OSBPL3: variants seen among roughly 807,000 people sequenced by gnomAD.
OSBPL3 encodes oxysterol binding protein like 3, also known as oxysterol-binding protein-related protein 3.
OSBPL3 carries 65 observed loss-of-function variants against 120.1 expected under a neutral mutation model. The observed-to-expected ratio is 0.54, with a 90% CI of 0.44 to 0.67. The LOEUF (loss-of-function observed/expected upper bound fraction) is 0.67. Ranked by LOEUF, OSBPL3 falls within the 30% of genes least tolerant of loss-of-function variation. The pLI, the probability that OSBPL3 is intolerant of heterozygous loss-of-function variation, is 0.00. For synonymous variants in OSBPL3, 416 were observed against 402.6 expected (o/e 1.03, Z -0.40); for missense variants, 1,004 against 1,082.1 (o/e 0.93, Z 1.01).
In OSBPL3 at chr7:24,855,333, AG is replaced by A; in HGVS notation, c.1028-2700del. On this transcript the variant is annotated intron_variant, in intron 10 of 22. Coordinates refer to ENST00000313367, the MANE Select transcript of OSBPL3 (RefSeq NM_015550.4). This position sits in a 1 kb window ranked among gnomAD's most constrained non-coding sequence, Gnocchi z 4.3. ...TTCCAAATCAATTCCTCTGGCTTCCAGGTGACCTACAGAAAAACAAGGCTTT... is the reference window on the plus strand; with the variant it reads ...TTCCAAATCAATTCCTCTGGCTTCCAGTGACCTACAGAAAAACAAGGCTTT... Among the ~76,000 whole-genome samples the A allele has an allele frequency of 6.6e-6, 1 of 152,342 alleles. No homozygotes were observed. Among genetic ancestry groups the A allele is most frequent in the African/African-American group, 2.4e-5 (1 of 41,588 alleles).
rs560791235 is a variant in OSBPL3, at chr7:24,815,462, T to G, written c.2028-259A>C. ...TACCAGAGGCTTCACTAGAAGCTGGTGGTCTCTTGGAACAGCCCACTCCCT... is the reference window on the plus strand; with the variant it reads ...TACCAGAGGCTTCACTAGAAGCTGGGGGTCTCTTGGAACAGCCCACTCCCT... On this transcript the variant is annotated intron_variant, in intron 18 of 22. Coordinates refer to ENST00000313367, the MANE Select transcript of OSBPL3 (RefSeq NM_015550.4). This position sits in a 1 kb window ranked among gnomAD's most constrained non-coding sequence, Gnocchi z 5.1. Among the ~76,000 whole-genome samples, 4 of 152,274 alleles carry G rather than the reference T, an allele frequency of 2.6e-5. No homozygotes were observed. In the South Asian group the frequency reaches 8.3e-4, roughly 32 times the overall value.
rs137864198 is a variant in OSBPL3 at position 24,820,062 on chromosome 7, C to A, written c.1948+113G>T. On this transcript the variant is annotated intron_variant, in intron 17 of 22. Transcript: ENST00000313367. The surrounding 1 kb of genome is among the most constrained non-coding windows in gnomAD (Gnocchi z 4.6). ...GTGGCGCAGATCCTTCCAACCAGGC[C>A]CAAATCCAAGGACCACTTTTGATCT... 110 of 743,098 alleles carry A rather than the reference C, an allele frequency of 1.5e-4. No homozygotes were observed. The African/African-American group carries it at 1.8e-3, about 12-fold the overall frequency. 46.0% of individuals were successfully genotyped at this position (743,098 alleles called of 1,614,324 possible). A position where few individuals can be genotyped will look rare whatever the true frequency, so the allele number is the denominator to read the frequency against.
intron 12 of OSBPL3, among the ~76,000 whole-genome samples, chr7:24,845,384 T>TTAAAAAAAAAA (rs1798287457): frequency 1.1e-4 from 7 of 62,254 alleles, no homozygotes; most frequent in Non-Finnish European, 1.9e-4. Flanking sequence ...GCAAAATAAG[T>TTAAAAAAAAAA]AAAAAAAAAA....
At chr7:24,920,890 G>A (rs904634632) in intron 1 of OSBPL3, among the ~76,000 whole-genome samples, 2 of 152,142 alleles carry the variant, frequency 1.3e-5, no homozygotes, top group African/African-American at 4.8e-5. Context: ...TACAAATTAT[G>A]ATAAGACTTG....
rs373022599 is a variant in OSBPL3, at chr7:24,821,636, T to C, written c.1885-1398A>G. Among the ~76,000 whole-genome samples, 1 of 152,138 alleles carries C rather than the reference T, an allele frequency of 6.6e-6. No individual in the cohort carries two copies. The highest frequency in any genetic ancestry group is 2.4e-5 in the African/African-American group (1 of 41,402). Reference sequence around the variant, plus strand: ...CGTACCAGTGTGGGCCAAAGAAAGGTAGAGACAAAGACGTAAATCATGTAG... The same window carrying C: ...CGTACCAGTGTGGGCCAAAGAAAGGCAGAGACAAAGACGTAAATCATGTAG... On this transcript the variant is annotated intron_variant, in intron 16 of 22. Transcript: ENST00000313367. The surrounding 1 kb of genome is among the most constrained non-coding windows in gnomAD (Gnocchi z 5.5).
chr7:24,800,602 A>G (rs1180425901), intron 22 of OSBPL3, among the ~76,000 whole-genome samples: 1 of 151,808 alleles, frequency 6.6e-6, no homozygotes, highest in Non-Finnish European at 1.5e-5. Context: ...GACTACAGCC[A>G]TGTGCAACCA....
intron 1 of OSBPL3, among the ~76,000 whole-genome samples, chr7:24,897,527 G>T (rs1025060013): frequency 4.0e-5 from 6 of 151,482 alleles, no homozygotes; most frequent in African/African-American, 1.5e-4. Flanking sequence ...GGGTTTCACC[G>T]TGTTAGCCAG....
chr7:24,917,411 T>TATATATTTGTAAC (rs1809769599), intron 1 of OSBPL3, among the ~76,000 whole-genome samples: 9 of 137,588 alleles, frequency 6.5e-5, no homozygotes, highest in African/African-American at 2.6e-4. Flanking sequence ...CATATATATA[T>TATATATTTGTAAC]ATATATATAT....
At chr7:24,909,106 G>C (rs553725234) in intron 1 of OSBPL3, among the ~76,000 whole-genome samples, 8 of 152,282 alleles carry the variant, frequency 5.3e-5, no homozygotes, top group Admixed American at 5.2e-4. Flanking sequence ...TTGACATTTA[G>C]AGTGTTTTTA....
intron 5 of OSBPL3, 34 bp from the exon 6 acceptor site, chr7:24,866,271 AGAATCATTCACT>A: frequency 6.8e-7 from 1 of 1,470,768 alleles, no homozygotes; most frequent in Non-Finnish European, 9.5e-7. Context: ...AGGAAACAAG[AGAATCATTCACT>A]GGAAGGAACA....
chr7:24,831,210 A>G lies in OSBPL3; in HGVS notation c.1747-305T>C, dbSNP rs893193970. 6.6e-6 allele frequency among the ~76,000 whole-genome samples: 1 copy of G among 152,208 alleles called. No individual in the cohort carries two copies. Among genetic ancestry groups the G allele is most frequent in the Admixed American group, 6.5e-5 (1 of 15,282 alleles). ...ACTGTTTCTGGAAACTGTTAAGCTG[A>G]GTCCAGTACTTTTAAGCCTGACAGT... On this transcript the variant is annotated intron_variant, in intron 15 of 22. Coordinates refer to ENST00000313367, the MANE Select transcript of OSBPL3 (RefSeq NM_015550.4). This position sits in a 1 kb window ranked among gnomAD's most constrained non-coding sequence, Gnocchi z 4.0.
In OSBPL3 at chr7:24,805,174, G is replaced by A. The variant is rs1172757104; in HGVS notation, c.2445-737C>T. Among the ~76,000 whole-genome samples, 1 of 152,172 alleles carries A rather than the reference G, an allele frequency of 6.6e-6. No homozygotes were observed. The highest frequency in any genetic ancestry group is 2.4e-5 in the African/African-American group (1 of 41,436). ...ATATTACTGAACTGCCCTTTATGGG[G>A]ATCATACCCAATTTATATTCCCATC... On this transcript the variant is annotated intron_variant, in intron 21 of 22. Transcript: ENST00000313367. The surrounding 1 kb of genome is among the most constrained non-coding windows in gnomAD (Gnocchi z 4.0).
chr7:24,828,606 G>GAAAA (rs1190652256), intron 16 of OSBPL3, among the ~76,000 whole-genome samples: 4 of 32,546 alleles, frequency 1.2e-4, no homozygotes, highest in Admixed American at 4.5e-4. Flanking sequence ...GACTCTGTCT[G>GAAAA]AAAAAAAAAA....
chr7:24,962,386 GGA>G (rs1563015426), intron 1 of OSBPL3, among the ~76,000 whole-genome samples: 1 of 127,132 alleles, frequency 7.9e-6, no homozygotes, highest in African/African-American at 2.8e-5. Context: ...AGAGGAGAGG[GGA>G]GGGGGGAGGG....
chr7:24,832,383 G>A (rs1433789129), intron 15 of OSBPL3, among the ~76,000 whole-genome samples: 4 of 151,650 alleles, frequency 2.6e-5, no homozygotes, highest in South Asian at 2.1e-4. Flanking sequence ...GGTGGCGCAC[G>A]CCTGTAATCC....
In OSBPL3 at chr7:24,806,419, G is replaced by T. The variant is rs905438917; in HGVS notation, c.2444+357C>A. Among the ~76,000 whole-genome samples, 8 of 152,162 alleles carry T rather than the reference G, an allele frequency of 5.3e-5. No individual in the cohort carries two copies. The highest frequency in any genetic ancestry group is 1.2e-4 in the Non-Finnish European group (8 of 68,030). On this transcript the variant is annotated intron_variant, in intron 21 of 22. Coordinates refer to ENST00000313367, the MANE Select transcript of OSBPL3 (RefSeq NM_015550.4). This position sits in a 1 kb window ranked among gnomAD's most constrained non-coding sequence, Gnocchi z 5.2. ...AGCAGCAACCTAGAATCAGCAGTTAGATCTCAGTGCACCAAAATCATTTAA... is the reference window on the plus strand; with the variant it reads ...AGCAGCAACCTAGAATCAGCAGTTATATCTCAGTGCACCAAAATCATTTAA...
At position 24,806,069 on chromosome 7, in the gene OSBPL3, G is replaced by A. The variant is rs1792995019; in HGVS notation, c.2444+707C>T. 6.6e-6 allele frequency among the ~76,000 whole-genome samples: 1 copy of A among 152,184 alleles called. No homozygotes were observed. Among genetic ancestry groups the A allele is most frequent in the Non-Finnish European group, 1.5e-5 (1 of 68,040 alleles). On this transcript the variant is annotated intron_variant, in intron 21 of 22. Transcript: ENST00000313367. The surrounding 1 kb of genome is among the most constrained non-coding windows in gnomAD (Gnocchi z 5.2). ...CCTCTTGGGTTCAAGCAATTCTCGT[G>A]CCTCAGCCTCCCAAGTAGTTGGGAC...
intron 1 of OSBPL3, among the ~76,000 whole-genome samples, chr7:24,917,138 A>G (rs1809680764): frequency 6.6e-6 from 1 of 151,942 alleles, no homozygotes; most frequent in Admixed American, 6.6e-5. Flanking sequence ...CCCCAGCACC[A>G]TTATAGTGGT....
At chr7:24,823,185 C>T (rs1209045040) in intron 16 of OSBPL3, among the ~76,000 whole-genome samples, 1 of 152,128 alleles carries the variant, frequency 6.6e-6, no homozygotes, top group South Asian at 2.1e-4. Flanking sequence ...CTTTTCAGTC[C>T]CTTCAGCCTC....
Sources: gnomAD v4.1 joint callset for allele counts (sites outside exome capture counted in the v4.1 genomes callset) on GRCh38, gnomAD v4.1.1 for gene constraint, Gnocchi (gnomAD v3.1) non-coding constraint, MANE v1.5 for transcripts, NCBI Gene and HGNC (gene_info 2026-07-23, HGNC 2026-07-21) for gene names.